C9orf85: variants seen among roughly 807,000 people sequenced by gnomAD.
C9orf85 encodes the protein uncharacterized protein C9orf85.
A neutral mutation model predicts 14.9 loss-of-function variants in C9orf85; 16 were observed. The observed-to-expected ratio is 1.08, with a 90% confidence interval of 0.73 to 1.63. The LOEUF is 1.63. Among genes scored for constraint, C9orf85 ranks in the 40% most tolerant of loss-of-function variants. C9orf85 has a pLI of 0.00. For synonymous variants in C9orf85, 45 were observed against 56.8 expected (o/e 0.79, Z 0.93); for missense variants, 172 against 186.1 (o/e 0.92, Z 0.44).
chr9:71,936,300 T>C (rs1828190506), intron 1 of C9orf85, among the ~76,000 whole-genome samples: 1 of 152,112 alleles, frequency 6.6e-6, no homozygotes, highest in Non-Finnish European at 1.5e-5. Flanking sequence ...GCTGAGGCTG[T>C]AGTTATGCAT....
At chr9:71,924,522 A>G (rs1827887529) in intron 1 of C9orf85, among the ~76,000 whole-genome samples, 1 of 152,236 alleles carries the variant, frequency 6.6e-6, no homozygotes, top group Non-Finnish European at 1.5e-5. Flanking sequence ...GTCCATCAGC[A>G]GTAGAATTCA....
chr9:71,937,608 A>G (rs1257532363), intron 1 of C9orf85, among the ~76,000 whole-genome samples: 3 of 152,140 alleles, frequency 2.0e-5, no homozygotes, highest in Non-Finnish European at 4.4e-5. Flanking sequence ...CATTTTGAGT[A>G]TTTCTAGTAT....
intron 3 of C9orf85, among the ~76,000 whole-genome samples, chr9:71,979,880 T>C (rs1236132792): frequency 6.6e-6 from 1 of 152,218 alleles, no homozygotes; most frequent in Non-Finnish European, 1.5e-5. Flanking sequence ...TGAACTTTTA[T>C]TCAAATTCTA....
At chr9:71,916,467 G>A (rs552666630) in intron 1 of C9orf85, among the ~76,000 whole-genome samples, 2 of 151,948 alleles carry the variant, frequency 1.3e-5, no homozygotes, top group South Asian at 4.1e-4. Context: ...ATAAATCAAT[G>A]TTTTGCAGTT....
chr9:71,947,281 G>A (rs1031846381), intron 2 of C9orf85, among the ~76,000 whole-genome samples, 169 bp downstream of exon 2: 7 of 152,072 alleles, frequency 4.6e-5, no homozygotes, highest in African/African-American at 1.7e-4. Flanking sequence ...GGTTTGTGAA[G>A]GCCGACAGAT....
intron 1 of C9orf85, among the ~76,000 whole-genome samples, chr9:71,928,272 C>T (rs1166074464): frequency 1.3e-5 from 2 of 151,280 alleles, no homozygotes; most frequent in African/African-American, 4.9e-5. Context: ...TATCTATATG[C>T]CTCCTTCTCA....
At chr9:71,970,101 T>A (rs1295163817) in intron 2 of C9orf85, among the ~76,000 whole-genome samples, 1 of 152,146 alleles carries the variant, frequency 6.6e-6, no homozygotes, top group Non-Finnish European at 1.5e-5. Context: ...TGCTCCCCCA[T>A]GCCCAGCTAA....
chr9:71,911,900 A>ACC, intron 1 of C9orf85, 64 bp downstream of exon 1: 3 of 1,400,080 alleles, frequency 2.1e-6, no homozygotes, highest in Non-Finnish European at 2.0e-6. Flanking sequence ...GAGAGGGGAG[A>ACC]GAGGAAATGA....
intron 1 of C9orf85, among the ~76,000 whole-genome samples, chr9:71,937,084 G>A (rs1412324347): frequency 6.6e-6 from 1 of 152,114 alleles, no homozygotes; most frequent in Non-Finnish European, 1.5e-5. Flanking sequence ...AGTTGCGATA[G>A]ATTTATCAGC....
intron 1 of C9orf85, among the ~76,000 whole-genome samples, chr9:71,930,635 C>G (rs1828047151): frequency 6.8e-6 from 1 of 147,038 alleles, no homozygotes; most frequent in African/African-American, 2.5e-5. Context: ...GAGACTCTGT[C>G]TCTACCAAAA....
At chr9:71,938,521 C>A (rs1056137658) in intron 1 of C9orf85, among the ~76,000 whole-genome samples, 4 of 151,888 alleles carry the variant, frequency 2.6e-5, no homozygotes, top group East Asian at 3.8e-4. Flanking sequence ...GTAATGATTT[C>A]TGTATTGATA....
chr9:71,970,302 C>G (rs1450211215), intron 2 of C9orf85, among the ~76,000 whole-genome samples: 3 of 152,110 alleles, frequency 2.0e-5, no homozygotes, highest in Non-Finnish European at 2.9e-5. Context: ...AGAATATGGT[C>G]TGTCTTAGAG....
chr9:71,946,819 G>A (rs551013919), intron 1 of C9orf85, among the ~76,000 whole-genome samples, 187 bp from the exon 2 acceptor site: 29 of 151,054 alleles, frequency 1.9e-4, no homozygotes, highest in Non-Finnish European at 2.8e-4. Flanking sequence ...AAAAAAGAAC[G>A]ATTGCCTTTG....
intron 2 of C9orf85, among the ~76,000 whole-genome samples, chr9:71,951,388 A>G (rs1224160162): frequency 6.6e-6 from 1 of 152,236 alleles, no homozygotes; most frequent in Non-Finnish European, 1.5e-5. Flanking sequence ...AATGAGATAA[A>G]TATCTCTGAC....
chr9:71,947,967 G>C (rs374564507), intron 2 of C9orf85, among the ~76,000 whole-genome samples: 8 of 152,102 alleles, frequency 5.3e-5, no homozygotes, highest in African/African-American at 1.9e-4. Context: ...GTAATTCTGG[G>C]GTTCTCTTAT....
intron 1 of C9orf85, among the ~76,000 whole-genome samples, chr9:71,941,582 C>T (rs774613271): frequency 2.0e-5 from 3 of 152,162 alleles, no homozygotes; most frequent in African/African-American, 4.8e-5. Context: ...GTAGGATATT[C>T]TCTAAAATGA....
chr9:71,956,899 A>T (rs1291381082), intron 2 of C9orf85, among the ~76,000 whole-genome samples: 1 of 152,222 alleles, frequency 6.6e-6, no homozygotes, highest in South Asian at 2.1e-4. Context: ...TCATGATAGA[A>T]TATATGACAA....
At chr9:71,929,392 CAT>C (rs766945136) in intron 1 of C9orf85, among the ~76,000 whole-genome samples, 26 of 152,260 alleles carry the variant, frequency 1.7e-4, no homozygotes, top group East Asian at 3.9e-4. Flanking sequence ...CTTATAAAAA[CAT>C]GTGTGTTGCC....
chr9:71,913,429 A>ATTATGATAAATATTGGT (rs1344355038), intron 1 of C9orf85, among the ~76,000 whole-genome samples: 1 of 152,218 alleles, frequency 6.6e-6, no homozygotes, highest in Non-Finnish European at 1.5e-5. Context: ...GTAAATACAA[A>ATTATGATAAATATTGGT]TTATGATAAA....
Sources: gnomAD v4.1 joint callset for allele counts (sites outside exome capture counted in the v4.1 genomes callset) on GRCh38, gnomAD v4.1.1 for gene constraint, MANE v1.5 for transcripts, NCBI Gene and HGNC (gene_info 2026-07-23, HGNC 2026-07-21) for gene names.